DOCK5: variants seen among roughly 807,000 people sequenced by gnomAD.
DOCK5 encodes dedicator of cytokinesis 5.
DOCK5 carries 142 observed loss-of-function variants against 251.8 expected under a neutral mutation model. The ratio of observed to expected loss-of-function variants is 0.56; its 90% CI spans 0.49 to 0.65. The LOEUF (loss-of-function observed/expected upper bound fraction) is 0.65, where lower values mean the gene tolerates loss of function less well. DOCK5 is among the 30% of genes least tolerant of loss of function. The pLI is 0.00. For synonymous variants in DOCK5, 842 were observed against 835.5 expected (o/e 1.01, Z -0.13); for missense variants, 2,111 against 2,312.3 (o/e 0.91, Z 1.79).
intron 1 of DOCK5, among the ~76,000 whole-genome samples, chr8:25,204,234 T>A (rs1159898193): frequency 6.6e-6 from 1 of 152,204 alleles, no homozygotes; most frequent in African/African-American, 2.4e-5. Context: ...AATGAGACCC[T>A]GTCTGTACTT....
chr8:25,390,514 TAC>T (rs1324226288), intron 42 of DOCK5, among the ~76,000 whole-genome samples: 1 of 152,222 alleles, frequency 6.6e-6, no homozygotes, highest in African/African-American at 2.4e-5. Context: ...TTACATTTAT[TAC>T]AGTTTGCAAG....
intron 5 of DOCK5, among the ~76,000 whole-genome samples, chr8:25,280,697 T>C (rs566757452): frequency 1.3e-5 from 2 of 152,370 alleles, no homozygotes; most frequent in East Asian, 3.9e-4. Flanking sequence ...GGTGATCTTT[T>C]GATCTCTTTA....
At chr8:25,221,774 A>G (rs140690350) in intron 1 of DOCK5, among the ~76,000 whole-genome samples, 1 of 152,214 alleles carries the variant, frequency 6.6e-6, no homozygotes, top group East Asian at 1.9e-4. Context: ...CATAAAGTGT[A>G]CAGTTATTCC....
intron 1 of DOCK5, among the ~76,000 whole-genome samples, chr8:25,231,228 A>G (rs1409665077): frequency 6.6e-6 from 1 of 152,046 alleles, no homozygotes; most frequent in Non-Finnish European, 1.5e-5. Flanking sequence ...GCATGCACTC[A>G]TTTTCCCTGC....
At chr8:25,348,022 C>T (rs17053426) in intron 26 of DOCK5, among the ~76,000 whole-genome samples, 2,661 of 152,244 alleles carry the variant, frequency 0.017, 90 homozygotes, top group African/African-American at 0.057. Flanking sequence ...TCAAAATTAT[C>T]GATCTTGGAG....
In DOCK5 at chr8:25,319,620, T is replaced by C. The variant is rs1805365540; in HGVS notation, c.1486T>C (p.Tyr496His). 1.3e-6 allele frequency: 2 copies of C among 1,591,590 alleles called. No individual in the cohort carries two copies. Among genetic ancestry groups the C allele is most frequent in the Non-Finnish European group, 8.6e-7 (1 of 1,168,718 alleles). ...PGAGYEGISE[Y>H]KSVVYYQVKQ... Reference sequence around the variant, plus strand: ...TGCTGGATATGAAGGCATTTCAGAATACAAATCAGTAGTCTATTACCAAGT... The same window carrying C: ...TGCTGGATATGAAGGCATTTCAGAACACAAATCAGTAGTCTATTACCAAGT... Residue 496 changes from tyrosine (Y) to histidine (H), a missense_variant, in exon 15 of 52, where the codon TAC (tyrosine) becomes CAC (histidine). Tyr to His is a moderately conservative substitution (Grantham distance 83). Around this residue, in one of 3 missense-constraint regions of DOCK5, gnomAD observed 1,717 missense variants for 1,892.4 expected, o/e 0.91. Transcript: ENST00000276440.
In DOCK5 at chr8:25,363,093, A is replaced by G. The variant is rs375220151; in HGVS notation, c.2996A>G (p.Lys999Arg). The part of the protein sequence containing the change: ...TFIMFKDLIG[K>R]NVYAKDWMVM... The stretch of plus-strand genomic sequence containing the variant: ...ATCATGTTCAAGGACCTGATTGGAA[A>G]GAATGTCTATGCCAAAGATTGGATG... Residue 999 changes from lysine (K) to arginine (R), a missense_variant, in exon 29 of 52, where the codon AAG (lysine) becomes AGG (arginine). By Grantham distance (26) the Lys-to-Arg change is conservative (BLOSUM62 2). Transcript: ENST00000276440. The G allele has an allele frequency of 2.4e-5, 39 of 1,614,074 alleles. No homozygotes were observed. The African/African-American group carries it at 4.3e-4, about 18-fold the overall frequency.
chr8:25,308,124 G>A (rs1804995815), intron 11 of DOCK5, among the ~76,000 whole-genome samples: 1 of 152,140 alleles, frequency 6.6e-6, no homozygotes, highest in Admixed American at 6.5e-5. Context: ...GTTGCTTATA[G>A]TGCTTCTGCC....
intron 3 of DOCK5, among the ~76,000 whole-genome samples, chr8:25,269,134 G>A (rs1803840740): frequency 6.6e-6 from 1 of 152,190 alleles, no homozygotes; most frequent in Non-Finnish European, 1.5e-5. Flanking sequence ...CTTGCTTCCT[G>A]TCCCTCAAGT....
chr8:25,337,034 G>A (rs1416662047), intron 22 of DOCK5, among the ~76,000 whole-genome samples: 3 of 151,880 alleles, frequency 2.0e-5, no homozygotes, highest in African/African-American at 7.3e-5. Flanking sequence ...AAAATTAAAG[G>A]CAAACAACCT....
At chr8:25,194,888 G>A (rs534762861) in intron 1 of DOCK5, among the ~76,000 whole-genome samples, 1 of 151,574 alleles carries the variant, frequency 6.6e-6, no homozygotes, top group South Asian at 2.1e-4. Context: ...ATGCAAGCCT[G>A]CATTAGCGTC....
chr8:25,267,638 T>A (rs1803793182), intron 2 of DOCK5, among the ~76,000 whole-genome samples: 1 of 152,158 alleles, frequency 6.6e-6, no homozygotes, highest in South Asian at 2.1e-4. Flanking sequence ...AAACTGCAGT[T>A]TCTTTTGCAC....
intron 1 of DOCK5, among the ~76,000 whole-genome samples, chr8:25,224,442 G>A (rs1440324761): frequency 1.3e-5 from 2 of 152,274 alleles, no homozygotes; most frequent in African/African-American, 4.8e-5. Context: ...TCATTTCTGT[G>A]TGTAAACAAA....
chr8:25,382,768 CT>C lies in DOCK5; in HGVS notation c.4124del (p.Phe1375SerfsTer22). 1.2e-6 allele frequency: 2 copies of C among 1,612,956 alleles called. No homozygotes were observed. The highest frequency in any genetic ancestry group is 1.7e-6 in the Non-Finnish European group (2 of 1,179,378). On this transcript the variant is annotated frameshift_variant, in exon 40 of 52. Transcript: ENST00000276440. LOFTEE classifies it high-confidence loss of function. ...AVGYYGQGFPSFLRNKIFIYR... is the reference protein window; with the variant it reads ...AVGYYGQGFPXFLRNKIFIYR... ...GGATACTATGGACAGGGCTTTCCTT[CT>C]TTCCTACGGGTAAGAAACCTGATGG... is the stretch of plus-strand genomic sequence containing the variant.
At chr8:25,202,729 A>G (rs1312394865) in intron 1 of DOCK5, among the ~76,000 whole-genome samples, 1 of 152,182 alleles carries the variant, frequency 6.6e-6, no homozygotes, top group Non-Finnish European at 1.5e-5. Flanking sequence ...GAATTTCTAA[A>G]TTAGGCACAG....
chr8:25,285,607 C>T (rs1184783147), intron 5 of DOCK5, among the ~76,000 whole-genome samples: 1 of 152,154 alleles, frequency 6.6e-6, no homozygotes, highest in Non-Finnish European at 1.5e-5. Context: ...GGGGAACTTG[C>T]AGAACATACT....
rs73558501 is a variant in DOCK5 at position 25,266,888 on chromosome 8, C to T, written c.128-1957C>T. ...ATGACAGGCTTAGGAAGCATAATTC[C>T]GTGATGAATGGTTGTGCAAAATACT... On this transcript the variant is annotated intron_variant, in intron 2 of 51. Coordinates refer to ENST00000276440, the MANE Select transcript of DOCK5 (RefSeq NM_024940.8). Among the ~76,000 whole-genome samples, 736 of 152,072 alleles carry T rather than the reference C, an allele frequency of 4.8e-3. 26 individuals carry two copies. The highest frequency in any genetic ancestry group is 0.017 in the African/African-American group (695 of 41,466).
rs566623077 is a variant in DOCK5 at position 25,209,989 on chromosome 8, T to C, written c.43+25038T>C. ...TTGAGCTGCTGGGACTACAGGCACATGCCACCATCCCCGGCTAATTATATA... is the reference window on the plus strand; with the variant it reads ...TTGAGCTGCTGGGACTACAGGCACACGCCACCATCCCCGGCTAATTATATA... On this transcript the variant is annotated intron_variant, in intron 1 of 51. Transcript: ENST00000276440. Among the ~76,000 whole-genome samples the C allele has an allele frequency of 6.5e-3, 379 of 58,050 alleles. 163 individuals are homozygous for C. The highest frequency in any genetic ancestry group is 0.015 in the Non-Finnish European group (285 of 19,190). The allele number at this position is 58,050 out of a possible 152,430, so 38.1% of individuals were successfully genotyped here.
chr8:25,285,496 CCCTCA>C (rs1804308591), intron 5 of DOCK5, among the ~76,000 whole-genome samples: 2 of 152,088 alleles, frequency 1.3e-5, no homozygotes, highest in Non-Finnish European at 2.9e-5. Flanking sequence ...GACTGATCTC[CCCTCA>C]CTTAAAATTT....
Sources: allele counts gnomAD v4.1 joint callset (sites outside exome capture counted in the v4.1 genomes callset), GRCh38; gene constraint gnomAD v4.1.1; regional missense constraint gnomAD v4.1.1; transcripts MANE v1.5; gene names NCBI Gene and HGNC (gene_info 2026-07-23, HGNC 2026-07-21).